FAM83F: variants seen among roughly 807,000 people sequenced by gnomAD.
FAM83F encodes protein FAM83F.
FAM83F carries 45 observed loss-of-function variants against 42.9 expected under a neutral mutation model. That is an observed-to-expected ratio of 1.05 (90% CI 0.83 to 1.35). The LOEUF is 1.35. FAM83F is among the 40% of genes most tolerant of loss of function. The probability of loss-of-function intolerance (pLI) is 0.00; values close to 1 mark genes in which losing one functional copy is unlikely to be tolerated. For synonymous variants in FAM83F, 306 were observed against 298.3 expected, an observed-to-expected ratio of 1.03 and a Z score of -0.27; for missense variants, 617 against 695.9, an observed-to-expected ratio of 0.89 and a Z score of 1.28.
intron 1 of FAM83F, chr22:40,010,270 G>A (rs573184789): frequency 6.6e-6 from 1 of 152,208 alleles, no homozygotes; most frequent in Admixed American, 6.5e-5. Context: ...AGTTCGCTCG[G>A]TGTGGGGAAT....
At chr22:40,000,608 C>CAA (rs34584677) in intron 1 of FAM83F, among the ~76,000 whole-genome samples, 1 of 151,850 alleles carries the variant, frequency 6.6e-6, no homozygotes, top group African/African-American at 2.4e-5. Context: ...AGCAGATGCC[C>CAA]AAAAAAACCC....
intron 4 of FAM83F, among the ~76,000 whole-genome samples, chr22:40,025,597 C>T (rs2067547465): frequency 6.6e-6 from 1 of 152,104 alleles, no homozygotes; most frequent in South Asian, 2.1e-4. Context: ...CCTATAATCC[C>T]AGCTACTTGG....
rs879539429 is a variant in FAM83F, at chr22:40,019,328, G to A, written c.650G>A (p.Arg217Gln). ...MCQDLQLTDF[R>Q]IRNIRVRSVT... Reference sequence around the variant, plus strand: ...CAGGACCTGCAGCTCACTGACTTCCGGATTCGGGTAAGTTGCACCACTGGG... The same window carrying A: ...CAGGACCTGCAGCTCACTGACTTCCAGATTCGGGTAAGTTGCACCACTGGG... The change falls in exon 2 of 5, where the codon CGG becomes CAG. Residue 217 changes from arginine (R) to glutamine (Q), a missense_variant. Arg to Gln is a conservative substitution (Grantham distance 43). Transcript: ENST00000333407. 4.3e-5 allele frequency: 69 copies of A among 1,613,576 alleles called. No homozygotes were observed. Among genetic ancestry groups the A allele is most frequent in the Non-Finnish European group, 4.9e-5 (58 of 1,179,742 alleles).
chr22:40,018,589 C>T (rs2067503261), intron 1 of FAM83F, among the ~76,000 whole-genome samples: 1 of 151,368 alleles, frequency 6.6e-6, no homozygotes, highest in African/African-American at 2.4e-5. Context: ...CAGGTGCCTG[C>T]CACCACGCCT....
chr22:39,998,954 T>G (rs914462558), intron 1 of FAM83F: 4 of 152,154 alleles, frequency 2.6e-5, no homozygotes, highest in Non-Finnish European at 5.9e-5. Flanking sequence ...GGGAAACTCT[T>G]GGTTCTTATT....
In FAM83F at chr22:40,040,352, G is replaced by A. The variant is rs183705580; in HGVS notation, c.*10787G>A. On this transcript the variant is annotated 3_prime_UTR_variant, in exon 5 of 5. Coordinates refer to ENST00000333407, the MANE Select transcript of FAM83F (RefSeq NM_138435.4). ...GCCTCCATTTTCCTATCTAGAAAAT[G>A]TGGATAACAATGGTTGTTGTGAAGA... 1 of 152,292 alleles carries A rather than the reference G, an allele frequency of 6.6e-6. No homozygotes were observed. Among genetic ancestry groups the A allele is most frequent in the Non-Finnish European group, 1.5e-5 (1 of 68,028 alleles). The allele number at this position is 152,292 out of a possible 1,614,324, so 9.4% of individuals were successfully genotyped here.
At chr22:39,998,361 TATC>T (rs2067381417) in intron 1 of FAM83F, among the ~76,000 whole-genome samples, 1 of 152,186 alleles carries the variant, frequency 6.6e-6, no homozygotes, top group Non-Finnish European at 1.5e-5. Flanking sequence ...TGTGAGGTGT[TATC>T]ATTTTGATTC....
chr22:39,996,149 C>T (rs1283951541), intron 1 of FAM83F, among the ~76,000 whole-genome samples: 2 of 152,160 alleles, frequency 1.3e-5, no homozygotes, highest in Non-Finnish European at 2.9e-5. Flanking sequence ...CTGTGCTGGG[C>T]GCCTTGGCAC....
At chr22:40,026,665 TG>T (rs2067554875) in intron 4 of FAM83F, among the ~76,000 whole-genome samples, 1 of 152,176 alleles carries the variant, frequency 6.6e-6, no homozygotes, top group Non-Finnish European at 1.5e-5. Context: ...GGTCCTTTCC[TG>T]CCCCAGAGTC....
At chr22:40,026,751 G>C (rs188557658) in intron 4 of FAM83F, among the ~76,000 whole-genome samples, 183 of 152,210 alleles carry the variant, frequency 1.2e-3, no homozygotes, top group Non-Finnish European at 1.3e-4. Context: ...ACTCTCCTGG[G>C]GTCCCTGGAT....
At chr22:40,000,195 A>G (rs1288933411) in intron 1 of FAM83F, among the ~76,000 whole-genome samples, 1 of 152,158 alleles carries the variant, frequency 6.6e-6, no homozygotes, top group Admixed American at 6.5e-5. Context: ...TTTAATCTAC[A>G]TCGTAACAAG....
At position 40,021,311 on chromosome 22, in the gene FAM83F, T is replaced by C; in HGVS notation, c.801T>C (p.His267=). 2 of 1,557,008 alleles carry C rather than the reference T, an allele frequency of 1.3e-6. No homozygotes were observed. Among genetic ancestry groups the C allele is most frequent in the Middle Eastern group, 1.7e-4 (1 of 5,784 alleles). The change falls in exon 4 of 5, where the codon CAT becomes CAC. Residue 267 remains histidine, a synonymous_variant. Transcript: ENST00000333407. This position sits in a 1 kb window ranked among gnomAD's most constrained non-coding sequence, Gnocchi z 8.7. ...CCAGGTTCACCTGGAGTTCCTCCCA[T>C]GTGGACAGAAACCTCCTCCTGCTCC... The part of the protein sequence containing the change: ...GSYRFTWSSS[H]VDRNLLLLLT...
intron 1 of FAM83F, among the ~76,000 whole-genome samples, chr22:40,012,003 C>A (rs186006051): frequency 6.7e-6 from 1 of 149,140 alleles, no homozygotes; most frequent in African/African-American, 2.6e-5. Context: ...CAACGGTCCC[C>A]TTTCCTCCAC....
At position 40,041,387 on chromosome 22, in the gene FAM83F, C is replaced by G. The variant is rs925269686; in HGVS notation, c.*11822C>G. 2 of 152,206 alleles carry G rather than the reference C, an allele frequency of 1.3e-5. No homozygotes were observed. The highest frequency in any genetic ancestry group is 2.9e-5 in the Non-Finnish European group (2 of 68,054). 9.4% of individuals were successfully genotyped at this position (152,206 alleles called of 1,614,324 possible). A position where few individuals can be genotyped will look rare whatever the true frequency, so the allele number is the denominator to read the frequency against. On this transcript the variant is annotated 3_prime_UTR_variant, in exon 5 of 5. Transcript: ENST00000333407. ...GCACCCTGGCATAGCATTCTCTGAC[C>G]TGGGCTGCCTTTTCAGGGTATGAGT... is the stretch of plus-strand genomic sequence containing the variant.
At chr22:40,024,812 A>G (rs1225766707) in intron 4 of FAM83F, among the ~76,000 whole-genome samples, 1 of 152,210 alleles carries the variant, frequency 6.6e-6, no homozygotes, top group Admixed American at 6.5e-5. Flanking sequence ...AAATTGCTTG[A>G]TAAGGAGTAT....
intron 1 of FAM83F, among the ~76,000 whole-genome samples, chr22:40,004,026 G>A (rs1372595653): frequency 2.0e-5 from 3 of 152,068 alleles, no homozygotes; most frequent in African/African-American, 7.2e-5. Context: ...CACCCGCCTG[G>A]GAGGGCTCCC....
chr22:39,997,441 G>A (rs2067377660), intron 1 of FAM83F, among the ~76,000 whole-genome samples: 1 of 152,206 alleles, frequency 6.6e-6, no homozygotes, highest in Non-Finnish European at 1.5e-5. Flanking sequence ...AATAAGTACA[G>A]GTTTAACCAG....
intron 2 of FAM83F, 126 bp downstream of exon 2, chr22:40,019,461 C>T (rs1294070429): frequency 1.2e-6 from 1 of 819,246 alleles, no homozygotes; most frequent in Non-Finnish European, 1.9e-6. Context: ...GATCTCAACA[C>T]CTTTCCTTTT....
intron 1 of FAM83F, among the ~76,000 whole-genome samples, chr22:40,012,389 C>A (rs748092370): frequency 2.6e-5 from 4 of 152,102 alleles, no homozygotes; most frequent in Non-Finnish European, 5.9e-5. Context: ...TCCGCCTTGG[C>A]CTCCCAAAGT....
Sources: gnomAD v4.1 joint callset for allele counts (sites outside exome capture counted in the v4.1 genomes callset) on GRCh38, gnomAD v4.1.1 for gene constraint, Gnocchi (gnomAD v3.1) non-coding constraint, MANE v1.5 for transcripts, NCBI Gene and HGNC (gene_info 2026-07-23, HGNC 2026-07-21) for gene names.